Variants in CMTM4 observed in about 807,000 individuals in gnomAD.
The protein encoded by CMTM4 is CKLF like MARVEL transmembrane domain containing 4, also known as CKLF-like MARVEL transmembrane domain-containing protein 4.
In CMTM4, 8 loss-of-function variants were observed where a neutral mutation model predicts 19.0. The ratio of observed to expected loss-of-function variants is 0.42; its 90% CI spans 0.25 to 0.76. The LOEUF (loss-of-function observed/expected upper bound fraction) is 0.76. Among genes scored for constraint, CMTM4 ranks in the 30% least tolerant of loss-of-function variants. The probability of loss-of-function intolerance (pLI) is 0.27; values close to 1 mark genes in which losing one functional copy is unlikely to be tolerated. For missense variants in CMTM4, 228 were observed against 290.2 expected (o/e 0.79, Z 1.56); for synonymous variants, 106 against 121.1 (o/e 0.88, Z 0.82).
At chr16:66,694,598 A>G (rs1167870331) in intron 1 of CMTM4, among the ~76,000 whole-genome samples, 1 of 151,650 alleles carries the variant, frequency 6.6e-6, no homozygotes, top group Non-Finnish European at 1.5e-5. Flanking sequence ...CTGTAATCCC[A>G]GCTACTCGGG....
At chr16:66,679,081 A>T in intron 1 of CMTM4, among the ~76,000 whole-genome samples, 1 of 151,746 alleles carries the variant, frequency 6.6e-6, no homozygotes, top group Non-Finnish European at 1.5e-5. Flanking sequence ...CCTGGGTGAC[A>T]GAGCAAGACT....
chr16:66,628,658 A>G (rs2015792038), intron 2 of CMTM4, among the ~76,000 whole-genome samples: 1 of 152,254 alleles, frequency 6.6e-6, no homozygotes, highest in African/African-American at 2.4e-5. Flanking sequence ...TTCAAGGTAC[A>G]GGTAAAAATG....
At chr16:66,650,885 G>A (rs1408685582) in intron 1 of CMTM4, among the ~76,000 whole-genome samples, 2 of 152,302 alleles carry the variant, frequency 1.3e-5, no homozygotes, top group African/African-American at 4.8e-5. Flanking sequence ...ACCTAGTGAA[G>A]ACCTACGAAG....
intron 1 of CMTM4, among the ~76,000 whole-genome samples, chr16:66,646,105 A>G (rs1305364081): frequency 1.3e-5 from 2 of 152,208 alleles, no homozygotes; most frequent in Admixed American, 6.5e-5. Context: ...AAAGGGTCCA[A>G]GGGATACTTA....
the CMTM4 span, chr16:66,608,381 G>A: frequency 6.2e-7 from 1 of 1,614,202 alleles, no homozygotes; most frequent in Non-Finnish European, 8.5e-7. This position sits in a 1 kb window ranked among gnomAD's most constrained non-coding sequence, Gnocchi z 5.1. Context: ...GCCTCTGCTG[G>A]AGTTCCTGCT....
In CMTM4 at chr16:66,622,042, G is replaced by C. The variant is rs2015646395; in HGVS notation, c.*16C>G. The C allele has an allele frequency of 2.6e-6, 4 of 1,554,246 alleles. No individual in the cohort carries two copies. The highest frequency in any genetic ancestry group is 3.5e-6 in the Non-Finnish European group (4 of 1,146,354). On this transcript the variant is annotated 3_prime_UTR_variant, in exon 4 of 4. Coordinates refer to ENST00000394106, the MANE Select transcript of CMTM4 (RefSeq NM_181521.3). This position sits in a 1 kb window ranked among gnomAD's most constrained non-coding sequence, Gnocchi z 4.0. ...ACAGGCACGAGGACGGGAGGGAGGAGGATCCAGGCAGGTCCTCACGTGTCC... is the reference window on the plus strand; with the variant it reads ...ACAGGCACGAGGACGGGAGGGAGGACGATCCAGGCAGGTCCTCACGTGTCC...
In CMTM4 at chr16:66,689,581, A is replaced by G. The variant is rs575772126; in HGVS notation, c.186+6759T>C. ...ACAACCATGTCATGCTAATTTTTGTATTTTTTGTAGAGAAGGGGATTCACC... is the reference window on the plus strand; with the variant it reads ...ACAACCATGTCATGCTAATTTTTGTGTTTTTTGTAGAGAAGGGGATTCACC... On this transcript the variant is annotated intron_variant, in intron 1 of 3. Transcript: ENST00000394106. Among the ~76,000 whole-genome samples the G allele has an allele frequency of 1.6e-4, 24 of 151,972 alleles. No individual in the cohort carries two copies. The East Asian group carries it at 4.3e-3, about 27-fold the overall frequency.
chr16:66,601,092 T>G, the CMTM4 span, among the ~76,000 whole-genome samples: 7 of 148,588 alleles, frequency 4.7e-5, no homozygotes, highest in African/African-American at 1.8e-4. Context: ...TTTGTGTGTG[T>G]GTGTGTGTGT....
At chr16:66,635,055 T>C (rs146525789) in intron 2 of CMTM4, among the ~76,000 whole-genome samples, 2 of 152,350 alleles carry the variant, frequency 1.3e-5, no homozygotes, top group South Asian at 2.1e-4. Context: ...ATGAACAAGA[T>C]GCTGACCTTG....
chr16:66,649,266 T>C (rs2016264680), intron 1 of CMTM4, among the ~76,000 whole-genome samples: 1 of 151,774 alleles, frequency 6.6e-6, no homozygotes, highest in South Asian at 2.1e-4. Context: ...TTTGCCTTTA[T>C]GTTTTAAAAG....
chr16:66,674,636 T>C (rs2016773091), intron 1 of CMTM4, among the ~76,000 whole-genome samples: 1 of 151,912 alleles, frequency 6.6e-6, no homozygotes, highest in South Asian at 2.1e-4. Context: ...GTCAGCAAGC[T>C]ACCTGTGTAT....
At chr16:66,665,696 A>G (rs2016579634) in intron 1 of CMTM4, among the ~76,000 whole-genome samples, 1 of 152,076 alleles carries the variant, frequency 6.6e-6, no homozygotes, top group Non-Finnish European at 1.5e-5. Flanking sequence ...GAATCACTTG[A>G]ACCCAGGAGG....
chr16:66,638,656 C>G (rs537336216), intron 1 of CMTM4, among the ~76,000 whole-genome samples: 1 of 152,178 alleles, frequency 6.6e-6, no homozygotes, highest in African/African-American at 2.4e-5. Flanking sequence ...GTCAGGAGTT[C>G]GAGACCAGCC....
chr16:66,620,098 T>A lies in CMTM4; in HGVS notation c.*1960A>T. The A allele has an allele frequency of 1.0e-6, 1 of 985,462 alleles. No homozygotes were observed. Among genetic ancestry groups the A allele is most frequent in the African/African-American group, 1.7e-5 (1 of 57,372 alleles). The allele number at this position is 985,462 out of a possible 1,614,324, so 61.0% of individuals were successfully genotyped here. ...CTTGTTTTCAATCTCACTTCAAAGA[T>A]GGCCTTTTTTGGGGGCCAAGTAACA... On this transcript the variant is annotated 3_prime_UTR_variant, in exon 4 of 4. Transcript: ENST00000394106.
At chr16:66,660,483 G>C (rs1011441068) in intron 1 of CMTM4, among the ~76,000 whole-genome samples, 10 of 151,440 alleles carry the variant, frequency 6.6e-5, no homozygotes, top group African/African-American at 1.7e-4. Flanking sequence ...AAAGTCTATT[G>C]ATAAGGAGAA....
At chr16:66,640,543 T>C (rs2016080646) in intron 1 of CMTM4, among the ~76,000 whole-genome samples, 1 of 151,988 alleles carries the variant, frequency 6.6e-6, no homozygotes, top group Non-Finnish European at 1.5e-5. Context: ...TCACTCTGAG[T>C]GTGATGGAAG....
chr16:66,609,536 C>T, the CMTM4 span: 1 of 1,587,350 alleles, frequency 6.3e-7, no homozygotes, highest in South Asian at 1.1e-5. This position sits in a 1 kb window ranked among gnomAD's most constrained non-coding sequence, Gnocchi z 4.4. Flanking sequence ...CTGGGGTGAG[C>T]AGCCGCCCCA....
intron 1 of CMTM4, among the ~76,000 whole-genome samples, chr16:66,686,765 G>C (rs1204737696): frequency 6.6e-6 from 1 of 151,946 alleles, no homozygotes; most frequent in Non-Finnish European, 1.5e-5. Context: ...TAAATGTTCA[G>C]AAATGTGGTG....
chr16:66,627,003 T>C (rs550206496), intron 2 of CMTM4, among the ~76,000 whole-genome samples: 47 of 152,198 alleles, frequency 3.1e-4, no homozygotes, highest in African/African-American at 1.1e-3. Context: ...CTTGGAAGGC[T>C]GAGGTAGGAA....
Sources: allele counts gnomAD v4.1 joint callset (sites outside exome capture counted in the v4.1 genomes callset), GRCh38; gene constraint gnomAD v4.1.1; non-coding constraint Gnocchi (gnomAD v3.1); transcripts MANE v1.5; gene names NCBI Gene and HGNC (gene_info 2026-07-23, HGNC 2026-07-21).